The following KCNIP4 variants were observed in gnomAD, a reference collection of about 807,000 sequenced individuals.
KCNIP4 encodes potassium voltage-gated channel interacting protein 4, also known as Kv channel-interacting protein 4.
A neutral mutation model predicts 34.0 loss-of-function variants in KCNIP4; 12 were observed. That is an observed-to-expected ratio of 0.35 (90% CI 0.23 to 0.57). KCNIP4 has a LOEUF of 0.57. Ranked by LOEUF, KCNIP4 falls within the 20% of genes least tolerant of loss-of-function variation. KCNIP4 has a pLI of 0.83. For synonymous variants in KCNIP4, 124 were observed against 102.2 expected (o/e 1.21, Z -1.29); for missense variants, 238 against 311.7 (o/e 0.76, Z 1.78).
intron 1 of KCNIP4, among the ~76,000 whole-genome samples, chr4:21,521,324 T>C (rs565448852): frequency 6.6e-6 from 1 of 152,164 alleles, no homozygotes; most frequent in Non-Finnish European, 1.5e-5. Context: ...AATGATAGAA[T>C]AGTCCCTTTA....
At chr4:21,269,391 C>G (rs1389402530) in intron 1 of KCNIP4, among the ~76,000 whole-genome samples, 1 of 152,000 alleles carries the variant, frequency 6.6e-6, no homozygotes, top group Non-Finnish European at 1.5e-5. Flanking sequence ...TAATTTCCAG[C>G]TTGTTTTATT....
At chr4:21,715,148 T>G (rs1398405878) in intron 1 of KCNIP4, among the ~76,000 whole-genome samples, 3 of 150,468 alleles carry the variant, frequency 2.0e-5, no homozygotes, top group Non-Finnish European at 4.4e-5. Flanking sequence ...TGGCCCCATC[T>G]GGGCTCACTG....
chr4:21,136,085 C>T (rs1242209714), intron 1 of KCNIP4, among the ~76,000 whole-genome samples: 1 of 152,278 alleles, frequency 6.6e-6, no homozygotes, highest in East Asian at 1.9e-4. Context: ...GTCTTTAGAG[C>T]TGTTCTTAGC....
At chr4:21,928,906 T>C (rs1468795645) in intron 1 of KCNIP4, among the ~76,000 whole-genome samples, 1 of 151,850 alleles carries the variant, frequency 6.6e-6, no homozygotes, top group African/African-American at 2.4e-5. Flanking sequence ...TATAACTCAG[T>C]TTGTATATCT....
chr4:21,452,015 A>G (rs965074694), intron 1 of KCNIP4, among the ~76,000 whole-genome samples: 2 of 152,028 alleles, frequency 1.3e-5, no homozygotes, highest in East Asian at 3.9e-4. Flanking sequence ...TTGATAGCTA[A>G]ATCAAATAAG....
chr4:21,767,764 T>C (rs1718519150), intron 1 of KCNIP4, among the ~76,000 whole-genome samples: 1 of 151,942 alleles, frequency 6.6e-6, no homozygotes, highest in Non-Finnish European at 1.5e-5. Context: ...GATTCAGAAA[T>C]GGATTTAAAA....
chr4:20,828,487 G>A (rs947928593), intron 3 of KCNIP4, among the ~76,000 whole-genome samples: 4 of 152,104 alleles, frequency 2.6e-5, no homozygotes, highest in Non-Finnish European at 5.9e-5. Context: ...TCTATGAGAA[G>A]GTCCATATTG....
chr4:20,876,568 A>T (rs1724058444), intron 2 of KCNIP4, among the ~76,000 whole-genome samples: 1 of 151,572 alleles, frequency 6.6e-6, no homozygotes, highest in Non-Finnish European at 1.5e-5. Context: ...ATTGGGAAGA[A>T]ATCTTTTTTT....
At chr4:21,276,154 CT>C (rs1261749695) in intron 1 of KCNIP4, among the ~76,000 whole-genome samples, 1 of 152,122 alleles carries the variant, frequency 6.6e-6, no homozygotes, top group Non-Finnish European at 1.5e-5. Flanking sequence ...AAAATAGTAG[CT>C]TTTATTCACA....
rs140307976 is a variant in KCNIP4 at position 21,546,090 on chromosome 4, T to C, written c.61+402481A>G. On this transcript the variant is annotated intron_variant, in intron 1 of 8. Coordinates refer to ENST00000382152, the MANE Select transcript of KCNIP4 (RefSeq NM_025221.6). ...CTTTATTGGGGTTTTGATCAGGATCTCTTCTTGGATAATAAAGGAATTATA... is the reference window on the plus strand; with the variant it reads ...CTTTATTGGGGTTTTGATCAGGATCCCTTCTTGGATAATAAAGGAATTATA... 7.9e-3 allele frequency among the ~76,000 whole-genome samples: 1,205 copies of C among 152,232 alleles called. 19 individuals are homozygous for C. Among genetic ancestry groups the C allele is most frequent in the African/African-American group, 0.027 (1,103 of 41,534 alleles).
intron 1 of KCNIP4, among the ~76,000 whole-genome samples, chr4:21,439,204 G>A (rs1413862498): frequency 2.6e-5 from 4 of 151,710 alleles, no homozygotes; most frequent in African/African-American, 7.3e-5. Context: ...CCAACAAGAG[G>A]GAGGTCCTTG....
chr4:21,466,909 G>A (rs1185144163), intron 1 of KCNIP4, among the ~76,000 whole-genome samples: 1 of 151,914 alleles, frequency 6.6e-6, no homozygotes, highest in Non-Finnish European at 1.5e-5. Context: ...ATATCACTCA[G>A]TATCATTGTA....
At chr4:20,926,237 G>A (rs78640094) in intron 1 of KCNIP4, among the ~76,000 whole-genome samples, 68 of 152,230 alleles carry the variant, frequency 4.5e-4, no homozygotes, top group African/African-American at 1.5e-3. Flanking sequence ...TCTACACAAC[G>A]CCTAAGGGCA....
At chr4:21,232,090 A>G (rs1758831878) in intron 1 of KCNIP4, among the ~76,000 whole-genome samples, 1 of 152,132 alleles carries the variant, frequency 6.6e-6, no homozygotes, top group Admixed American at 6.6e-5. Context: ...CTGCCGATAA[A>G]TTGCTGGGTA....
intron 1 of KCNIP4, among the ~76,000 whole-genome samples, chr4:21,268,235 T>A (rs1761935870): frequency 7.7e-6 from 1 of 130,680 alleles, no homozygotes; most frequent in Non-Finnish European, 1.6e-5. Context: ...ACTAAGTGAA[T>A]AAATATTCAA....
At chr4:20,949,308 C>A (rs898756530) in intron 1 of KCNIP4, among the ~76,000 whole-genome samples, 3 of 152,302 alleles carry the variant, frequency 2.0e-5, no homozygotes, top group East Asian at 1.9e-4. Flanking sequence ...ACCAGTACCC[C>A]TACATATTAC....
Position 21,158,266 on chromosome 4 carries a change from T to G in KCNIP4, c.62-275557A>C, listed in dbSNP as rs188112771. ...ATACAAATTCAAAGCAAATTCTTCC[T>G]GAAGACAAAAGAAGGAAGACTTCCA... On this transcript the variant is annotated intron_variant, in intron 1 of 8. Coordinates refer to ENST00000382152, the MANE Select transcript of KCNIP4 (RefSeq NM_025221.6). Among the ~76,000 whole-genome samples, 931 of 152,200 alleles carry G rather than the reference T, an allele frequency of 6.1e-3. 7 individuals carry two copies. Among genetic ancestry groups the G allele is most frequent in the Middle Eastern group, 0.017 (5 of 294 alleles).
At chr4:21,807,989 T>C (rs1221192211) in intron 1 of KCNIP4, among the ~76,000 whole-genome samples, 2 of 152,206 alleles carry the variant, frequency 1.3e-5, no homozygotes, top group Admixed American at 6.5e-5. Context: ...CCAAGGTGTT[T>C]GGTAAGTTAA....
intron 1 of KCNIP4, among the ~76,000 whole-genome samples, chr4:21,273,635 C>A (rs1192662303): frequency 6.6e-6 from 1 of 152,130 alleles, no homozygotes; most frequent in Non-Finnish European, 1.5e-5. Context: ...GCTATTTTAA[C>A]ATATTTAATA....
Sources: gnomAD v4.1 joint callset for allele counts (sites outside exome capture counted in the v4.1 genomes callset) on GRCh38, gnomAD v4.1.1 for gene constraint, MANE v1.5 for transcripts, NCBI Gene and HGNC (gene_info 2026-07-23, HGNC 2026-07-21) for gene names.